The following CTNNA3 variants were observed in gnomAD, a reference collection of about 807,000 sequenced individuals.
The protein encoded by CTNNA3 is catenin alpha-3.
In CTNNA3, 76 loss-of-function variants were observed where a neutral mutation model predicts 95.7. The ratio of observed to expected loss-of-function variants is 0.79; its 90% CI spans 0.66 to 0.96. CTNNA3 has a LOEUF of 0.96. CTNNA3 is among the 40% of genes least tolerant of loss of function. CTNNA3 has a pLI of 0.00. For synonymous variants in CTNNA3, 431 were observed against 374.4 expected, an observed-to-expected ratio of 1.15 and a Z score of -1.74; for missense variants, 1,191 against 1,089.8, an observed-to-expected ratio of 1.09 and a Z score of -1.31.
intron 15 of CTNNA3, among the ~76,000 whole-genome samples, chr10:65,992,626 TTC>T (rs2078568046): frequency 6.6e-6 from 1 of 152,058 alleles, no homozygotes; most frequent in African/African-American, 2.4e-5. Flanking sequence ...TATTTGGGTA[TTC>T]TCTCTTTTCT....
At chr10:66,156,040 T>C (rs1232893890) in intron 13 of CTNNA3, among the ~76,000 whole-genome samples, 3 of 151,934 alleles carry the variant, frequency 2.0e-5, no homozygotes, top group Non-Finnish European at 4.4e-5. Flanking sequence ...AGTTAATTAG[T>C]TATCAAATTA....
intron 17 of CTNNA3, among the ~76,000 whole-genome samples, chr10:65,927,054 T>A (rs74140870): frequency 0.025 from 3,745 of 152,290 alleles, 127 homozygotes; most frequent in African/African-American, 0.077. Context: ...TCATTTTTTT[T>A]AATTTTTGTT....
At chr10:66,436,783 C>A (rs183041169) in intron 11 of CTNNA3, among the ~76,000 whole-genome samples, 2 of 151,856 alleles carry the variant, frequency 1.3e-5, no homozygotes, top group Admixed American at 1.3e-4. Flanking sequence ...TTCACAGTGC[C>A]GATGGTCTTT....
intron 7 of CTNNA3, among the ~76,000 whole-genome samples, chr10:67,038,737 T>G (rs1854216425): frequency 6.6e-6 from 1 of 152,084 alleles, no homozygotes; most frequent in Non-Finnish European, 1.5e-5. Flanking sequence ...ATTAGTCAGG[T>G]CATTGGCAGA....
intron 11 of CTNNA3, among the ~76,000 whole-genome samples, chr10:66,479,216 T>C (rs1839429341): frequency 1.3e-5 from 2 of 151,994 alleles, no homozygotes; most frequent in South Asian, 4.1e-4. Flanking sequence ...ATCTATATAT[T>C]GGCTCTTAAT....
At chr10:65,972,902 GGGA>G (rs2078135486) in intron 16 of CTNNA3, among the ~76,000 whole-genome samples, 1 of 20,386 alleles carries the variant, frequency 4.9e-5, no homozygotes. Context: ...AATCCTAAGG[GGGA>G]AAAAAAAAAA....
intron 16 of CTNNA3, among the ~76,000 whole-genome samples, chr10:65,987,726 G>A (rs2078456677): frequency 6.6e-6 from 1 of 152,068 alleles, no homozygotes; most frequent in South Asian, 2.1e-4. Flanking sequence ...AGAGATAGCT[G>A]CACTCCTATG....
At chr10:66,808,936 A>G (rs917396917) in intron 7 of CTNNA3, among the ~76,000 whole-genome samples, 1 of 152,202 alleles carries the variant, frequency 6.6e-6, no homozygotes, top group Admixed American at 6.6e-5. Flanking sequence ...AAATTAGTAG[A>G]AGATGTTGCT....
intron 5 of CTNNA3, among the ~76,000 whole-genome samples, chr10:67,265,775 T>C (rs188773711): frequency 6.6e-6 from 1 of 152,288 alleles, no homozygotes; most frequent in African/African-American, 2.4e-5. Context: ...TATCTCTTCA[T>C]GTGCAAAAAC....
intron 13 of CTNNA3, among the ~76,000 whole-genome samples, chr10:66,250,145 A>G (rs1479278960): frequency 2.6e-5 from 4 of 152,216 alleles, no homozygotes; most frequent in African/African-American, 9.7e-5. Context: ...TGAGTCAGAA[A>G]TAGAAAGAAA....
chr10:67,104,252 T>A (rs1228421177), intron 7 of CTNNA3, among the ~76,000 whole-genome samples: 1 of 151,820 alleles, frequency 6.6e-6, no homozygotes, highest in Non-Finnish European at 1.5e-5. Context: ...ACTGTAGCAA[T>A]GACATGGCTT....
chr10:66,303,826 C>T (rs1405365252), intron 12 of CTNNA3, among the ~76,000 whole-genome samples: 1 of 152,080 alleles, frequency 6.6e-6, no homozygotes, highest in Admixed American at 6.5e-5. Flanking sequence ...ATCTCCTGAC[C>T]TCGTGATCCG....
intron 3 of CTNNA3, among the ~76,000 whole-genome samples, chr10:67,597,699 G>T (rs931075274): frequency 6.6e-6 from 1 of 152,188 alleles, no homozygotes; most frequent in East Asian, 1.9e-4. Context: ...CATCAGGGTG[G>T]TGTCAGTGGG....
intron 17 of CTNNA3, among the ~76,000 whole-genome samples, chr10:65,936,287 T>C (rs943826721): frequency 6.6e-6 from 1 of 152,130 alleles, no homozygotes; most frequent in Non-Finnish European, 1.5e-5. Context: ...AAGAGTTCTA[T>C]GAATTTGCAA....
rs570120533 is a variant in CTNNA3 at position 65,917,186 on chromosome 10, G to C, written c.*3144C>G. On this transcript the variant is annotated 3_prime_UTR_variant, in exon 18 of 18. Transcript: ENST00000433211. Reference sequence around the variant, plus strand: ...CAGAAGGCACACTTGTGAATGTGAAGGCTATATTGTCTTTTCTAATACATT... The same window carrying C: ...CAGAAGGCACACTTGTGAATGTGAACGCTATATTGTCTTTTCTAATACATT... 6.6e-6 allele frequency: 1 copy of C among 152,060 alleles called. No individual in the cohort carries two copies. The highest frequency in any genetic ancestry group is 1.5e-5 in the Non-Finnish European group (1 of 68,012). 9.4% of individuals were successfully genotyped at this position (152,060 alleles called of 1,614,324 possible).
intron 11 of CTNNA3, among the ~76,000 whole-genome samples, chr10:66,448,492 T>C (rs370881013): frequency 1.3e-5 from 2 of 152,004 alleles, no homozygotes; most frequent in African/African-American, 2.4e-5. Context: ...GAATACTATG[T>C]AGCCATAAAA....
chr10:66,468,655 AT>A (rs1839016102), intron 11 of CTNNA3, among the ~76,000 whole-genome samples: 1 of 151,544 alleles, frequency 6.6e-6, no homozygotes, highest in Non-Finnish European at 1.5e-5. Context: ...ATGTGAAGTA[AT>A]GTATATGTTT....
chr10:66,049,163 C>A (rs984062071), intron 15 of CTNNA3, among the ~76,000 whole-genome samples: 8 of 152,132 alleles, frequency 5.3e-5, no homozygotes, highest in African/African-American at 1.7e-4. Context: ...AGACACATAT[C>A]TGGCCAATAA....
At chr10:67,562,129 A>C (rs1337890485) in intron 3 of CTNNA3, among the ~76,000 whole-genome samples, 1 of 152,214 alleles carries the variant, frequency 6.6e-6, no homozygotes, top group East Asian at 1.9e-4. Flanking sequence ...ATCCTCCCTA[A>C]CTCATTTTAT....
Sources: allele counts gnomAD v4.1 joint callset (sites outside exome capture counted in the v4.1 genomes callset), GRCh38; gene constraint gnomAD v4.1.1; transcripts MANE v1.5; gene names NCBI Gene and HGNC (gene_info 2026-07-23, HGNC 2026-07-21).